The following UBASH3B variants were observed in gnomAD, a reference collection of about 807,000 sequenced individuals.
UBASH3B encodes the protein ubiquitin associated and SH3 domain containing B.
UBASH3B carries 37 observed loss-of-function variants against 83.4 expected under a neutral mutation model. The ratio of observed to expected loss-of-function variants is 0.44; its 90% CI spans 0.34 to 0.58. The LOEUF (loss-of-function observed/expected upper bound fraction) is 0.58, where lower values mean the gene tolerates loss of function less well. Ranked by LOEUF, UBASH3B falls within the 20% of genes least tolerant of loss-of-function variation. The pLI is 0.01. For synonymous variants in UBASH3B, 304 were observed against 318.3 expected (o/e 0.96, Z 0.48); for missense variants, 657 against 827.2 (o/e 0.79, Z 2.52).
At chr11:122,756,994 T>C (rs1861292401) in intron 1 of UBASH3B, among the ~76,000 whole-genome samples, 1 of 152,204 alleles carries the variant, frequency 6.6e-6, no homozygotes, top group Non-Finnish European at 1.5e-5. Flanking sequence ...AGGATTGAAG[T>C]AAGTGATCTT....
intron 6 of UBASH3B, among the ~76,000 whole-genome samples, chr11:122,793,405 T>C (rs930477136): frequency 6.6e-6 from 1 of 152,044 alleles, no homozygotes; most frequent in African/African-American, 2.4e-5. Flanking sequence ...AAAATTCTGA[T>C]AATACAATGT....
intron 2 of UBASH3B, 115 bp downstream of exon 2, chr11:122,776,387 C>A: frequency 1.1e-6 from 1 of 946,852 alleles, no homozygotes; most frequent in Non-Finnish European, 1.5e-6. Flanking sequence ...AGACAGGAGC[C>A]AAAAGACTGT....
chr11:122,768,776 A>AT (rs1232660347), intron 1 of UBASH3B, among the ~76,000 whole-genome samples: 1 of 152,184 alleles, frequency 6.6e-6, no homozygotes, highest in African/African-American at 2.4e-5. Context: ...AAGTGCTGGG[A>AT]TTACAGGTGT....
intron 1 of UBASH3B, among the ~76,000 whole-genome samples, chr11:122,678,061 G>T (rs964162950): frequency 2.0e-5 from 3 of 152,218 alleles, no homozygotes; most frequent in African/African-American, 7.2e-5. Flanking sequence ...AATGTGCTAG[G>T]ATTATAGGCA....
At chr11:122,712,479 G>C (rs1383970454) in intron 1 of UBASH3B, among the ~76,000 whole-genome samples, 1 of 152,082 alleles carries the variant, frequency 6.6e-6, no homozygotes, top group Non-Finnish European at 1.5e-5. Flanking sequence ...TGGACCCAGG[G>C]GCTCTCATGC....
intron 1 of UBASH3B, among the ~76,000 whole-genome samples, chr11:122,736,885 AAATGAAATGAAATGG>A (rs1389662651): frequency 8.5e-5 from 13 of 152,176 alleles, no homozygotes; most frequent in Non-Finnish European, 1.3e-4. Flanking sequence ...CCCTCTCTCA[AAATGAAATGAAATGG>A]AATGAAATGA....
At chr11:122,727,170 C>T (rs779080088) in intron 1 of UBASH3B, among the ~76,000 whole-genome samples, 8 of 152,212 alleles carry the variant, frequency 5.3e-5, no homozygotes, top group African/African-American at 9.6e-5. Flanking sequence ...CCGGGGACTC[C>T]TGCTGCACAC....
At chr11:122,774,166 G>A (rs1040118770) in intron 1 of UBASH3B, 3 of 985,432 alleles carry the variant, frequency 3.0e-6, no homozygotes, top group Non-Finnish European at 3.6e-6. Context: ...GTGTGGGAAT[G>A]AGCGTGTGTG....
chr11:122,756,120 G>A (rs1282595433), intron 1 of UBASH3B, among the ~76,000 whole-genome samples: 3 of 152,226 alleles, frequency 2.0e-5, no homozygotes, highest in African/African-American at 7.2e-5. Context: ...ACTGTATTCA[G>A]GGGCAGCATT....
At chr11:122,731,374 C>G (rs1860841569) in intron 1 of UBASH3B, among the ~76,000 whole-genome samples, 1 of 152,180 alleles carries the variant, frequency 6.6e-6, no homozygotes, top group South Asian at 2.1e-4. Flanking sequence ...CACCTTTTCA[C>G]TTAAATGGAG....
Position 122,785,530 on chromosome 11 carries a change from C to T in UBASH3B, c.771+2308C>T, listed in dbSNP as rs117001383. Reference sequence around the variant, plus strand: ...TAGATTCTCACTCGATTTGGACACGCGAATCCCATTTGTATTTCACATGGG... The same window carrying T: ...TAGATTCTCACTCGATTTGGACACGTGAATCCCATTTGTATTTCACATGGG... On this transcript the variant is annotated intron_variant, in intron 5 of 13. Transcript: ENST00000284273. 2.3e-3 allele frequency among the ~76,000 whole-genome samples: 346 copies of T among 152,258 alleles called. 2 individuals are homozygous for T. Among genetic ancestry groups the T allele is most frequent in the Non-Finnish European group, 3.0e-3 (202 of 68,026 alleles).
intron 1 of UBASH3B, among the ~76,000 whole-genome samples, chr11:122,707,439 C>A (rs1359226453): frequency 1.3e-5 from 2 of 152,150 alleles, no homozygotes; most frequent in East Asian, 3.9e-4. Flanking sequence ...TGCCCAAGCA[C>A]CTTGTTTGTA....
At chr11:122,714,647 T>C (rs1284244883) in intron 1 of UBASH3B, among the ~76,000 whole-genome samples, 1 of 152,204 alleles carries the variant, frequency 6.6e-6, no homozygotes, top group Non-Finnish European at 1.5e-5. Flanking sequence ...TGACCCTCAG[T>C]TTCCTCATCA....
intron 1 of UBASH3B, among the ~76,000 whole-genome samples, chr11:122,761,884 C>T (rs781745607): frequency 1.1e-4 from 16 of 143,292 alleles, no homozygotes; most frequent in Non-Finnish European, 1.5e-4. Context: ...CTCTGCCTCC[C>T]GGGTTAAAGC....
chr11:122,740,804 G>T (rs948695395), intron 1 of UBASH3B, among the ~76,000 whole-genome samples: 1 of 152,142 alleles, frequency 6.6e-6, no homozygotes, highest in African/African-American at 2.4e-5. Flanking sequence ...GATAGAGGTT[G>T]TTGTAGACAA....
chr11:122,780,492 G>A (rs987251169), intron 4 of UBASH3B, among the ~76,000 whole-genome samples: 8 of 152,182 alleles, frequency 5.3e-5, no homozygotes, highest in Non-Finnish European at 1.2e-4. Flanking sequence ...CTCTTGGCTC[G>A]CTCCAGCATG....
chr11:122,703,151 G>A lies in UBASH3B; in HGVS notation c.161+46941G>A, dbSNP rs1864066657. Among the ~76,000 whole-genome samples the A allele has an allele frequency of 2.6e-5, 4 of 152,148 alleles. No homozygotes were observed. In the South Asian group the frequency reaches 8.3e-4, roughly 32 times the overall value. On this transcript the variant is annotated intron_variant, in intron 1 of 13. Coordinates refer to ENST00000284273, the MANE Select transcript of UBASH3B (RefSeq NM_032873.5). ...TTGAAATATTTTTTTCTTTGGCCGG[G>A]CACGGTGGCTCATGCCTGTAAATCC...
chr11:122,749,921 T>A (rs544988641), intron 1 of UBASH3B, among the ~76,000 whole-genome samples: 1 of 152,128 alleles, frequency 6.6e-6, no homozygotes, highest in Non-Finnish European at 1.5e-5. Context: ...TTAGTAGAGA[T>A]GGGTTTTTGC....
intron 1 of UBASH3B, among the ~76,000 whole-genome samples, chr11:122,680,523 G>A (rs1463359526): frequency 6.6e-6 from 1 of 152,144 alleles, no homozygotes; most frequent in African/African-American, 2.4e-5. Flanking sequence ...GAGTGCAATG[G>A]CGCGATCTTG....
Sources: allele counts gnomAD v4.1 joint callset (sites outside exome capture counted in the v4.1 genomes callset), GRCh38; gene constraint gnomAD v4.1.1; transcripts MANE v1.5; gene names NCBI Gene and HGNC (gene_info 2026-07-23, HGNC 2026-07-21).